The following ZFHX3 variants were observed in gnomAD, a reference collection of about 807,000 sequenced individuals.
ZFHX3 encodes zinc finger homeobox 3, also known as zinc finger homeobox protein 3.
ZFHX3 carries 42 observed loss-of-function variants against 279.1 expected under a neutral mutation model. The ratio of observed to expected loss-of-function variants is 0.15; its 90% CI spans 0.12 to 0.19. The LOEUF (loss-of-function observed/expected upper bound fraction) is 0.19. Ranked by LOEUF, ZFHX3 falls within the 10% of genes least tolerant of loss-of-function variation. The pLI is 1.00. For synonymous variants in ZFHX3, 2,293 were observed against 1,957.8 expected, an observed-to-expected ratio of 1.17 and a Z score of -4.52; for missense variants, 4,981 against 4,754.0, an observed-to-expected ratio of 1.05 and a Z score of -1.40.
At chr16:73,704,019 T>A (rs1230772794) in intron 1 of ZFHX3, among the ~76,000 whole-genome samples, 2 of 152,160 alleles carry the variant, frequency 1.3e-5, no homozygotes, top group Admixed American at 6.5e-5. Flanking sequence ...AGTGTAGACA[T>A]CTGTAGATGT....
At chr16:72,880,234 G>T (rs1293492245) in intron 4 of ZFHX3, among the ~76,000 whole-genome samples, 1 of 152,140 alleles carries the variant, frequency 6.6e-6, no homozygotes. Context: ...CACAGAAAAG[G>T]AAACAAGAAA....
intron 1 of ZFHX3, among the ~76,000 whole-genome samples, chr16:73,795,587 C>T (rs571240436): frequency 6.6e-6 from 1 of 152,256 alleles, no homozygotes; most frequent in South Asian, 2.1e-4. Context: ...CTCATTAAAA[C>T]CCTGATTGTC....
chr16:73,814,258 A>G (rs1372658328), intron 1 of ZFHX3, among the ~76,000 whole-genome samples: 1 of 152,174 alleles, frequency 6.6e-6, no homozygotes, highest in African/African-American at 2.4e-5. Context: ...GAGAGACAAT[A>G]AATGGTAGCC....
chr16:73,480,730 G>A (rs536009158), intron 2 of ZFHX3, among the ~76,000 whole-genome samples: 1 of 152,308 alleles, frequency 6.6e-6, no homozygotes, highest in South Asian at 2.1e-4. Flanking sequence ...GCTTCATGGG[G>A]AGATGTGAGT....
chr16:72,984,735 T>A (rs1356091350), intron 1 of ZFHX3, among the ~76,000 whole-genome samples: 1 of 152,054 alleles, frequency 6.6e-6, no homozygotes, highest in Non-Finnish European at 1.5e-5. Context: ...GGGTCTGCAA[T>A]GTTGAGGACC....
At chr16:73,513,557 A>AAGGGCAGCC (rs1328279982) in intron 2 of ZFHX3, among the ~76,000 whole-genome samples, 2 of 152,172 alleles carry the variant, frequency 1.3e-5, no homozygotes, top group Non-Finnish European at 2.9e-5. Flanking sequence ...AGCCTCCCTC[A>AAGGGCAGCC]AGGGCAGCCC....
intron 2 of ZFHX3, among the ~76,000 whole-genome samples, chr16:73,496,868 G>C (rs958325884): frequency 1.4e-4 from 22 of 152,270 alleles, no homozygotes; most frequent in African/African-American, 5.1e-4. Flanking sequence ...GCGTTGGGTG[G>C]CCTCACAGGA....
At chr16:72,984,625 CAA>C (rs60014247) in intron 1 of ZFHX3, among the ~76,000 whole-genome samples, 46 of 132,572 alleles carry the variant, frequency 3.5e-4, no homozygotes, top group Non-Finnish European at 3.8e-4. Flanking sequence ...GACTCTGACT[CAA>C]AAAAAAAAAA....
intron 1 of ZFHX3, among the ~76,000 whole-genome samples, chr16:73,864,773 C>T (rs566576317): frequency 7.0e-6 from 1 of 143,522 alleles, no homozygotes; most frequent in East Asian, 2.0e-4. Flanking sequence ...CTTGACATAG[C>T]CTGGCAGGGG....
intron 1 of ZFHX3, among the ~76,000 whole-genome samples, chr16:73,757,431 A>G (rs2053821477): frequency 6.6e-6 from 1 of 152,346 alleles, no homozygotes; most frequent in East Asian, 1.9e-4. Flanking sequence ...TACTGCAGCA[A>G]CTTACTCTTT....
intron 3 of ZFHX3, among the ~76,000 whole-genome samples, chr16:73,404,458 C>T (rs2017319916): frequency 6.6e-6 from 1 of 152,192 alleles, no homozygotes. Context: ...ATCTTGGCTC[C>T]AAGTTCGTGC....
At chr16:73,439,845 G>A (rs9938758) in intron 3 of ZFHX3, among the ~76,000 whole-genome samples, 1 of 146,580 alleles carries the variant, frequency 6.8e-6, no homozygotes, top group Non-Finnish European at 1.5e-5. Flanking sequence ...GCCTTGAAAG[G>A]CTGAGGCTTG....
At chr16:73,136,074 T>C (rs183044813) in intron 6 of ZFHX3, among the ~76,000 whole-genome samples, 1 of 152,286 alleles carries the variant, frequency 6.6e-6, no homozygotes, top group East Asian at 1.9e-4. Flanking sequence ...GTCAGGATGG[T>C]CTCGAAATCC....
At chr16:73,421,626 T>C (rs2143493117) in intron 3 of ZFHX3, among the ~76,000 whole-genome samples, 1 of 152,012 alleles carries the variant, frequency 6.6e-6, no homozygotes, top group Non-Finnish European at 1.5e-5. Flanking sequence ...CAAGAAATTC[T>C]AGGCAGGAGA....
intron 5 of ZFHX3, among the ~76,000 whole-genome samples, chr16:73,178,841 G>A (rs1027904698): frequency 1.1e-4 from 16 of 152,094 alleles, no homozygotes; most frequent in South Asian, 8.3e-4. Flanking sequence ...CCCATTATCC[G>A]TCCATCCATC....
At chr16:72,845,024 G>A (rs1463989245) in intron 4 of ZFHX3, among the ~76,000 whole-genome samples, 1 of 152,196 alleles carries the variant, frequency 6.6e-6, no homozygotes, top group African/African-American at 2.4e-5. Context: ...ATGAGAGAAT[G>A]AACAGGTGCA....
rs375757885 is a variant in ZFHX3 at position 73,641,881 on chromosome 16, C to T, written c.-1547+38299G>A. Among the ~76,000 whole-genome samples, 6 of 152,202 alleles carry T rather than the reference C, an allele frequency of 3.9e-5. No individual in the cohort carries two copies. The South Asian group carries it at 6.2e-4, about 16-fold the overall frequency. ...ACAAAAATAGAAATTAGTAAACAAG[C>T]AAACGTCAGTCTCTGCAAATTGGTC... On this transcript the variant is annotated intron_variant, in intron 2 of 17. Coordinates refer to the ZFHX3 transcript ENST00000641206.
At chr16:72,991,282 AG>A (rs1482297006) in intron 1 of ZFHX3, among the ~76,000 whole-genome samples, 1 of 152,196 alleles carries the variant, frequency 6.6e-6, no homozygotes, top group Non-Finnish European at 1.5e-5. Flanking sequence ...ATTTTATCAT[AG>A]GCATGTAGGT....
At chr16:73,885,151 C>T (rs2030304127) in intron 1 of ZFHX3, among the ~76,000 whole-genome samples, 1 of 151,040 alleles carries the variant, frequency 6.6e-6, no homozygotes, top group South Asian at 2.1e-4. Context: ...CCTTTCATTT[C>T]CTTCAGATGT....
Sources: allele counts gnomAD v4.1 joint callset (sites outside exome capture counted in the v4.1 genomes callset), GRCh38; gene constraint gnomAD v4.1.1; transcripts MANE v1.5; gene names NCBI Gene and HGNC (gene_info 2026-07-23, HGNC 2026-07-21).